The following SH3BGRL2 variants were observed in gnomAD, a reference collection of about 807,000 sequenced individuals.
The protein encoded by SH3BGRL2 is SH3 domain binding glutamate rich protein like 2.
A neutral mutation model predicts 14.8 loss-of-function variants in SH3BGRL2; 21 were observed. The observed-to-expected ratio is 1.42, with a 90% confidence interval of 1.01 to 2.05. The LOEUF is 2.05. Ranked by LOEUF, SH3BGRL2 falls within the 30% of genes most tolerant of loss-of-function variation. SH3BGRL2 has a pLI of 0.00. For missense variants in SH3BGRL2, 147 were observed against 130.8 expected (o/e 1.12, Z -0.61); for synonymous variants, 50 against 47.8 (o/e 1.05, Z -0.19).
chr6:79,664,130 G>A (rs908111821), intron 1 of SH3BGRL2, among the ~76,000 whole-genome samples: 11 of 152,320 alleles, frequency 7.2e-5, no homozygotes, highest in African/African-American at 2.6e-4. Flanking sequence ...CCCAGGTGAG[G>A]TGACGTCCCA....
chr6:79,587,278 A>G, the SH3BGRL2 span, among the ~76,000 whole-genome samples: 2 of 152,208 alleles, frequency 1.3e-5, no homozygotes, highest in East Asian at 3.9e-4. Context: ...AGAAAAAAAG[A>G]TAATGCAGAA....
At chr6:79,669,304 C>A (rs1350391168) in intron 1 of SH3BGRL2, among the ~76,000 whole-genome samples, 1 of 152,026 alleles carries the variant, frequency 6.6e-6, no homozygotes, top group East Asian at 1.9e-4. Flanking sequence ...TAAAGGTGAG[C>A]CCTCAAGGAT....
At chr6:79,631,713 C>T (rs1768829782) in intron 1 of SH3BGRL2, among the ~76,000 whole-genome samples, 1 of 152,220 alleles carries the variant, frequency 6.6e-6, no homozygotes. Flanking sequence ...CCCAAATGCC[C>T]ACCCTGCGTG....
chr6:79,597,028 G>A, the SH3BGRL2 span, among the ~76,000 whole-genome samples: 332 of 152,214 alleles, frequency 2.2e-3, 2 homozygotes, highest in African/African-American at 7.7e-3. Context: ...TCAGGAATTC[G>A]AGATCAGCCT....
At chr6:79,610,457 C>T in the SH3BGRL2 span, among the ~76,000 whole-genome samples, 1 of 152,244 alleles carries the variant, frequency 6.6e-6, no homozygotes, top group East Asian at 1.9e-4. Context: ...GCCTTACGCA[C>T]AACAGGGCCT....
At chr6:79,607,802 G>A in the SH3BGRL2 span, among the ~76,000 whole-genome samples, 12 of 152,128 alleles carry the variant, frequency 7.9e-5, no homozygotes, top group African/African-American at 1.4e-4. Flanking sequence ...AAAATTAGTC[G>A]GGCGTGGTGG....
chr6:79,574,865 A>G, the SH3BGRL2 span: 1 of 152,228 alleles, frequency 6.6e-6, no homozygotes, highest in Admixed American at 6.5e-5. Context: ...TAGAACAGCT[A>G]AGGGCTGGCT....
chr6:79,667,042 G>GA (rs1474187682), intron 1 of SH3BGRL2, among the ~76,000 whole-genome samples: 1 of 152,084 alleles, frequency 6.6e-6, no homozygotes, highest in African/African-American at 2.4e-5. Context: ...TGAACCTATG[G>GA]AAAAAAGATA....
At chr6:79,629,058 A>C (rs2127720683), upstream of SH3BGRL2, among the ~76,000 whole-genome samples, 1 of 152,364 alleles carries the variant, frequency 6.6e-6, no homozygotes, top group African/African-American at 2.4e-5. Flanking sequence ...ACCATAGACA[A>C]TACCAAGAGG....
At chr6:79,666,623 C>G (rs1446742053) in intron 1 of SH3BGRL2, among the ~76,000 whole-genome samples, 1 of 152,092 alleles carries the variant, frequency 6.6e-6, no homozygotes, top group Non-Finnish European at 1.5e-5. Context: ...TCAGCCCTTT[C>G]CTCCCTTGTT....
intron 1 of SH3BGRL2, among the ~76,000 whole-genome samples, chr6:79,669,368 T>C (rs1391149579): frequency 6.6e-6 from 1 of 152,102 alleles, no homozygotes; most frequent in Non-Finnish European, 1.5e-5. Flanking sequence ...CTCACAGGCC[T>C]TTCTACCTGT....
chr6:79,645,423 C>G (rs1769121042), intron 1 of SH3BGRL2, among the ~76,000 whole-genome samples: 1 of 152,176 alleles, frequency 6.6e-6, no homozygotes, highest in Non-Finnish European at 1.5e-5. Flanking sequence ...GCACCTCACT[C>G]CATTGTGGTA....
chr6:79,681,115 A>G (rs1218243571), intron 2 of SH3BGRL2, among the ~76,000 whole-genome samples: 2 of 152,202 alleles, frequency 1.3e-5, no homozygotes, highest in African/African-American at 4.8e-5. Context: ...AGGATGCCAT[A>G]TCTAGAGTCA....
the SH3BGRL2 span, among the ~76,000 whole-genome samples, chr6:79,573,222 A>G: frequency 6.6e-6 from 1 of 151,414 alleles, no homozygotes; most frequent in African/African-American, 2.4e-5. Context: ...ATAGATACCC[A>G]TCATCTCAGC....
At chr6:79,698,797 G>A (rs953059550) in intron 3 of SH3BGRL2, among the ~76,000 whole-genome samples, 1 of 152,172 alleles carries the variant, frequency 6.6e-6, no homozygotes, top group Non-Finnish European at 1.5e-5. Context: ...AGCCCACAGT[G>A]GCTGGCCCAT....
the SH3BGRL2 span, among the ~76,000 whole-genome samples, chr6:79,546,696 A>G: frequency 6.7e-6 from 1 of 148,908 alleles, no homozygotes; most frequent in Admixed American, 6.7e-5. Context: ...CTAAGTAGCA[A>G]CTCTTTTTTT....
chr6:79,656,989 A>G (rs114112789), intron 1 of SH3BGRL2, among the ~76,000 whole-genome samples: 2,333 of 152,320 alleles, frequency 0.015, 62 homozygotes, highest in African/African-American at 0.053. Flanking sequence ...TGTGTGTACA[A>G]GTCTTTTGAA....
chr6:79,593,874 A>C, the SH3BGRL2 span, among the ~76,000 whole-genome samples: 1 of 152,216 alleles, frequency 6.6e-6, no homozygotes, highest in African/African-American at 2.4e-5. Flanking sequence ...ACATGACAGC[A>C]AACAGTGACA....
At chr6:79,559,120 C>A in the SH3BGRL2 span, among the ~76,000 whole-genome samples, 1 of 152,114 alleles carries the variant, frequency 6.6e-6, no homozygotes, top group Non-Finnish European at 1.5e-5. Flanking sequence ...TGTATAGTTA[C>A]CACTTTTTCC....
Sources: gnomAD v4.1 joint callset for allele counts (sites outside exome capture counted in the v4.1 genomes callset) on GRCh38, gnomAD v4.1.1 for gene constraint, MANE v1.5 for transcripts, NCBI Gene and HGNC (gene_info 2026-07-23, HGNC 2026-07-21) for gene names.